CLVS2: variants seen among roughly 807,000 people sequenced by gnomAD.
The protein encoded by CLVS2 is clavesin 2, also known as clavesin-2.
In CLVS2, 19 loss-of-function variants were observed where a neutral mutation model predicts 29.0. The ratio of observed to expected loss-of-function variants is 0.66; its 90% confidence interval spans 0.46 to 0.96. The LOEUF is 0.96. CLVS2 is among the 40% of genes least tolerant of loss of function. The pLI, the probability that CLVS2 is intolerant of heterozygous loss-of-function variation, is 0.00. For missense variants in CLVS2, 294 were observed against 404.1 expected, an observed-to-expected ratio of 0.73 and a Z score of 2.34; for synonymous variants, 161 against 151.3, an observed-to-expected ratio of 1.06 and a Z score of -0.47.
chr6:123,063,585 C>A, intron 5 of CLVS2, 89 bp from the exon 6 acceptor site: 2 of 727,498 alleles, frequency 2.7e-6, no homozygotes, highest in Non-Finnish European at 2.4e-6. Context: ...ATTCACATTC[C>A]TGGGAGAAGT....
Position 123,069,861 on chromosome 6 carries a change from C to G in CLVS2, c.*6100C>G, listed in dbSNP as rs2114379816. ...ACGTACCTCTGAGCATCACTTCTTT[C>G]TCTAAAAATAAAAATAAATATGCTG... On this transcript the variant is annotated 3_prime_UTR_variant, in exon 6 of 6. Transcript: ENST00000275162. The G allele has an allele frequency of 6.6e-6, 1 of 151,734 alleles. No homozygotes were observed. The highest frequency in any genetic ancestry group is 1.9e-4 in the East Asian group (1 of 5,172). 9.4% of individuals were successfully genotyped at this position (151,734 alleles called of 1,614,324 possible). A position where few individuals can be genotyped will look rare whatever the true frequency, so the allele number is the denominator to read the frequency against.
chr6:123,048,660 C>T lies in CLVS2; in HGVS notation c.603C>T (p.Val201=), dbSNP rs2114354578. Residue 201 remains valine (V), a synonymous_variant, in exon 4 of 6, where the codon GTC becomes GTT. Coordinates refer to ENST00000275162, the MANE Select transcript of CLVS2 (RefSeq NM_001010852.4). The part of the protein sequence containing the change: ...FPARFGGIHF[V]NQPWYIHALY... ...CGCGATTTGGAGGAATTCATTTTGT[C>T]AATCAACCATGGTATATCCATGCCC... The T allele has an allele frequency of 1.2e-6, 2 of 1,613,484 alleles. No homozygotes were observed. Among genetic ancestry groups the T allele is most frequent in the Non-Finnish European group, 1.7e-6 (2 of 1,179,592 alleles).
intron 2 of CLVS2, among the ~76,000 whole-genome samples, chr6:123,008,582 A>G (rs1183939574): frequency 1.3e-5 from 2 of 152,132 alleles, no homozygotes; most frequent in Admixed American, 6.6e-5. Context: ...TATGGATAAC[A>G]TAAGAATGGT....
intron 3 of CLVS2, among the ~76,000 whole-genome samples, chr6:123,017,992 A>G (rs1774862034): frequency 2.0e-5 from 3 of 152,098 alleles, no homozygotes; most frequent in South Asian, 2.1e-4. Flanking sequence ...ATACTTCTAC[A>G]CCTTCAACCA....
chr6:123,043,161 G>C (rs1248984264), intron 3 of CLVS2, among the ~76,000 whole-genome samples: 3 of 151,988 alleles, frequency 2.0e-5, no homozygotes, highest in African/African-American at 7.2e-5. Flanking sequence ...ATTCCAGACA[G>C]GTACATCAAG....
chr6:123,053,850 G>A (rs942790330), intron 4 of CLVS2, among the ~76,000 whole-genome samples: 1 of 152,128 alleles, frequency 6.6e-6, no homozygotes, highest in African/African-American at 2.4e-5. Flanking sequence ...AAATACAACC[G>A]AGTAGGGGAG....
chr6:122,997,855 G>T lies in CLVS2; in HGVS notation c.78G>T (p.Thr26=), dbSNP rs1260433859. The change falls in exon 2 of 6, where the codon ACG becomes ACT. Residue 26 remains threonine, a synonymous_variant. Transcript: ENST00000275162. ...TGGAGCTCAATGAAAACCCAGACACGCTGCACCAGGACATCCAGGAGGTGA... is the reference window on the plus strand; with the variant it reads ...TGGAGCTCAATGAAAACCCAGACACTCTGCACCAGGACATCCAGGAGGTGA... ...ARLELNENPD[T]LHQDIQEVRD... is the part of the protein sequence containing the mutation. The T allele has an allele frequency of 6.2e-7, 1 of 1,614,162 alleles. No homozygotes were observed. The highest frequency in any genetic ancestry group is 8.5e-7 in the Non-Finnish European group (1 of 1,180,022).
intron 4 of CLVS2, 105 bp downstream of exon 4, chr6:123,048,837 G>A: frequency 1.4e-6 from 1 of 718,618 alleles, no homozygotes; most frequent in Non-Finnish European, 2.4e-6. Flanking sequence ...CTTCTACATT[G>A]TATAGAAATC....
In CLVS2 at chr6:123,067,973, G is replaced by A. The variant is rs2114377763; in HGVS notation, c.*4212G>A. On this transcript the variant is annotated 3_prime_UTR_variant, in exon 6 of 6. Transcript: ENST00000275162. ...AAACATACAAAAGAAGCTTGGCTTT[G>A]TAACATTATTATATTATGATCTCAA... 1 of 151,746 alleles carries A rather than the reference G, an allele frequency of 6.6e-6. No homozygotes were observed. The highest frequency in any genetic ancestry group is 2.1e-4 in the South Asian group (1 of 4,834). The allele number at this position is 151,746 out of a possible 1,614,324, so 9.4% of individuals were successfully genotyped here.
chr6:123,063,445 G>A (rs111613923), intron 5 of CLVS2, among the ~76,000 whole-genome samples: 8 of 151,958 alleles, frequency 5.3e-5, no homozygotes, highest in African/African-American at 1.4e-4. Context: ...AATCATTGGC[G>A]GCTCACTATT....
chr6:123,055,692 A>G, intron 4 of CLVS2, 114 bp from the exon 5 acceptor site: 1 of 733,644 alleles, frequency 1.4e-6, no homozygotes, highest in Non-Finnish European at 2.4e-6. Context: ...GTACTTTAAC[A>G]GACATGCGAA....
At chr6:123,016,534 T>A (rs1309110595) in intron 3 of CLVS2, among the ~76,000 whole-genome samples, 1 of 152,046 alleles carries the variant, frequency 6.6e-6, no homozygotes, top group Non-Finnish European at 1.5e-5. Context: ...ACTGGGTCTC[T>A]GTGCTTTTGC....
intron 2 of CLVS2, 78 bp downstream of exon 2, chr6:122,998,244 T>C (rs1251314983): frequency 6.8e-7 from 1 of 1,461,388 alleles, no homozygotes; most frequent in South Asian, 1.3e-5. Flanking sequence ...TGTCATGGTT[T>C]TGTAGATTTG....
Position 122,996,661 on chromosome 6 carries a change from TCGC to T in CLVS2, c.-632_-630del, listed in dbSNP as rs1240159487. On this transcript the variant is annotated 5_prime_UTR_variant, in exon 1 of 6. Transcript: ENST00000275162. The stretch of plus-strand genomic sequence containing the variant: ...CCGCCCAGAGGAGTTGATGCCGCTG[TCGC>T]CGCCGCCGCCGCTGCTGAAGCCGCG... The T allele has an allele frequency of 1.4e-4, 23 of 161,006 alleles. No individual in the cohort carries two copies. Among genetic ancestry groups the T allele is most frequent in the Non-Finnish European group, 1.7e-4 (12 of 69,102 alleles). The allele number at this position is 161,006 out of a possible 1,614,324, so 10.0% of individuals were successfully genotyped here. A position where few individuals can be genotyped will look rare whatever the true frequency, so the allele number is the denominator to read the frequency against.
At chr6:123,043,518 G>A (rs1490883140) in intron 3 of CLVS2, among the ~76,000 whole-genome samples, 2 of 152,038 alleles carry the variant, frequency 1.3e-5, no homozygotes, top group Admixed American at 6.6e-5. Context: ...AAAAGTACAA[G>A]AAAGTGATTA....
intron 3 of CLVS2, among the ~76,000 whole-genome samples, chr6:123,031,610 A>G (rs1423963863): frequency 6.6e-6 from 1 of 152,212 alleles, no homozygotes; most frequent in African/African-American, 2.4e-5. Context: ...TGTGTCTACC[A>G]AAACCCTAAG....
rs1333223731 is a variant in CLVS2 at position 123,064,344 on chromosome 6, G to A, written c.*583G>A. On this transcript the variant is annotated 3_prime_UTR_variant, in exon 6 of 6. Transcript: ENST00000275162. ...CCTTGCATTTTGGAGGCAAGGAATG[G>A]CAGATGAGCTGGTAAACTGAACACT... The A allele has an allele frequency of 6.6e-6, 1 of 151,996 alleles. No homozygotes were observed. Among genetic ancestry groups the A allele is most frequent in the African/African-American group, 2.4e-5 (1 of 41,418 alleles). 9.4% of individuals were successfully genotyped at this position (151,996 alleles called of 1,614,324 possible). A position where few individuals can be genotyped will look rare whatever the true frequency, so the allele number is the denominator to read the frequency against.
At chr6:123,004,971 A>G (rs769952312) in intron 2 of CLVS2, among the ~76,000 whole-genome samples, 2 of 151,904 alleles carry the variant, frequency 1.3e-5, no homozygotes, top group Non-Finnish European at 2.9e-5. Flanking sequence ...AAAACCAATT[A>G]TCTATTCATC....
intron 2 of CLVS2, among the ~76,000 whole-genome samples, chr6:122,998,631 A>G (rs1327457457): frequency 1.3e-5 from 2 of 152,312 alleles, no homozygotes; most frequent in East Asian, 3.9e-4. Context: ...TTTTAAGCAT[A>G]GCCTGGCGTT....
Sources: allele counts gnomAD v4.1 joint callset (sites outside exome capture counted in the v4.1 genomes callset), GRCh38; gene constraint gnomAD v4.1.1; transcripts MANE v1.5; gene names NCBI Gene and HGNC (gene_info 2026-07-23, HGNC 2026-07-21).